The following MAP2K4 variants were observed in gnomAD, a reference collection of about 807,000 sequenced individuals.
MAP2K4 encodes dual specificity mitogen-activated protein kinase kinase 4.
MAP2K4 carries 4 observed loss-of-function variants against 48.5 expected under a neutral mutation model. The ratio of observed to expected loss-of-function variants is 0.08; its 90% CI spans 0.04 to 0.19. MAP2K4 has a LOEUF of 0.19. Ranked by LOEUF, MAP2K4 falls within the 10% of genes least tolerant of loss-of-function variation. The pLI is 1.00. For missense variants in MAP2K4, 258 were observed against 493.3 expected (o/e 0.52, Z 4.52); for synonymous variants, 166 against 173.1 (o/e 0.96, Z 0.32).
At chr17:12,031,688 A>G (rs1482049591) in intron 1 of MAP2K4, among the ~76,000 whole-genome samples, 1 of 152,202 alleles carries the variant, frequency 6.6e-6, no homozygotes, top group Non-Finnish European at 1.5e-5. Flanking sequence ...CAGCTTTCTC[A>G]TTCCTAGGGA....
chr17:12,089,986 A>G (rs952656598), intron 3 of MAP2K4, among the ~76,000 whole-genome samples: 12 of 152,112 alleles, frequency 7.9e-5, no homozygotes, highest in East Asian at 3.9e-4. Flanking sequence ...GATTCCTTAC[A>G]TGTTTGCTGA....
intron 2 of MAP2K4, among the ~76,000 whole-genome samples, chr17:12,073,493 A>G (rs118094123): frequency 2.0e-5 from 3 of 152,236 alleles, no homozygotes; most frequent in Admixed American, 6.5e-5. Flanking sequence ...GATTTGTAAT[A>G]TACTAAGCCT....
At chr17:12,080,806 A>C (rs1241648117) in intron 2 of MAP2K4, among the ~76,000 whole-genome samples, 1 of 152,168 alleles carries the variant, frequency 6.6e-6, no homozygotes, top group Non-Finnish European at 1.5e-5. Flanking sequence ...GTCCCTGGAT[A>C]ATTCAGATGT....
chr17:12,111,955 G>A (rs528955960), intron 6 of MAP2K4, among the ~76,000 whole-genome samples: 407 of 152,236 alleles, frequency 2.7e-3, no homozygotes, highest in South Asian at 4.4e-3. Flanking sequence ...AGGTGCTCTC[G>A]TGCTGTGCAG....
intron 7 of MAP2K4, among the ~76,000 whole-genome samples, chr17:12,122,980 T>C (rs1462357307): frequency 6.6e-6 from 1 of 152,240 alleles, no homozygotes. Flanking sequence ...AGATAAACTC[T>C]ACTTGGTCAT....
At chr17:12,038,183 C>G (rs1032453246) in intron 1 of MAP2K4, among the ~76,000 whole-genome samples, 9 of 152,128 alleles carry the variant, frequency 5.9e-5, no homozygotes, top group Admixed American at 5.9e-4. Context: ...AGAGAGTATT[C>G]CCAACTGAAT....
intron 1 of MAP2K4, among the ~76,000 whole-genome samples, chr17:12,038,547 TAAGAAGCACTGGGATCC>T (rs1969675345): frequency 1.3e-5 from 2 of 152,156 alleles, no homozygotes; most frequent in African/African-American, 4.8e-5. Flanking sequence ...TTACCAATGA[TAAGAAGCACTGGGATCC>T]TTAAAGATGA....
intron 2 of MAP2K4, among the ~76,000 whole-genome samples, chr17:12,077,750 C>T (rs1971060662): frequency 6.6e-6 from 1 of 152,156 alleles, no homozygotes; most frequent in African/African-American, 2.4e-5. Flanking sequence ...TTAGCTTGGC[C>T]TGCAAAATAC....
chr17:12,073,160 A>C (rs1031664637), intron 2 of MAP2K4, among the ~76,000 whole-genome samples: 2 of 152,204 alleles, frequency 1.3e-5, no homozygotes, highest in Non-Finnish European at 2.9e-5. Context: ...AGAATAAGGA[A>C]AATTTTTACC....
rs569233824 is a variant in MAP2K4, at chr17:12,143,664, G to A, written c.*2404G>A. ...CTATTTAAGATATATACATGGAATC[G>A]AAGTGTTTATGTAATAGTTCTATCC... On this transcript the variant is annotated 3_prime_UTR_variant, in exon 11 of 11. Transcript: ENST00000353533. 7.4e-5 allele frequency: 17 copies of A among 230,608 alleles called. No homozygotes were observed. Among genetic ancestry groups the A allele is most frequent in the African/African-American group, 2.0e-4 (9 of 45,302 alleles). The allele number at this position is 230,608 out of a possible 1,614,324, so 14.3% of individuals were successfully genotyped here. A position where few individuals can be genotyped will look rare whatever the true frequency, so the allele number is the denominator to read the frequency against.
intron 1 of MAP2K4, among the ~76,000 whole-genome samples, chr17:12,046,066 A>T (rs925224260): frequency 7.9e-5 from 12 of 152,332 alleles, no homozygotes; most frequent in Admixed American, 3.9e-4. Flanking sequence ...CAGTGCAGGT[A>T]TGTAGCAGAT....
chr17:12,095,711 T>A lies in MAP2K4; in HGVS notation c.513+17T>A, dbSNP rs756429854. 1 of 1,610,204 alleles carries A rather than the reference T, an allele frequency of 6.2e-7. No individual in the cohort carries two copies. ...TTCAGAGAGGTAGGAATAAACTGGG[T>A]TTTAGCTGACTAATGAATATCTAAT... On this transcript the variant is annotated intron_variant, in intron 4 of 10. Transcript: ENST00000353533.
intron 6 of MAP2K4, among the ~76,000 whole-genome samples, chr17:12,111,513 T>A (rs375596613): frequency 5.9e-5 from 9 of 152,046 alleles, no homozygotes; most frequent in African/African-American, 1.9e-4. Context: ...GTTAGCTGTG[T>A]TCTATAATTA....
chr17:12,110,287 T>A, intron 5 of MAP2K4, 88 bp from the exon 6 acceptor site: 1 of 874,386 alleles, frequency 1.1e-6, no homozygotes, highest in South Asian at 1.4e-5. Flanking sequence ...TGCAGAGGAC[T>A]ACACGGGATA....
chr17:12,125,273 A>T (rs1972819521), intron 7 of MAP2K4, 21 bp from the exon 8 acceptor site: 1 of 1,598,064 alleles, frequency 6.3e-7, no homozygotes, highest in Non-Finnish European at 8.6e-7. Flanking sequence ...TTAATAACTT[A>T]CACTTGTCTT....
intron 8 of MAP2K4, among the ~76,000 whole-genome samples, chr17:12,128,332 A>G (rs1014945562): frequency 6.6e-6 from 1 of 152,212 alleles, no homozygotes; most frequent in Non-Finnish European, 1.5e-5. Flanking sequence ...CCGCCTCGGC[A>G]TCCCAAAGTG....
At chr17:12,126,572 G>A (rs28921070) in intron 8 of MAP2K4, among the ~76,000 whole-genome samples, 195 of 152,280 alleles carry the variant, frequency 1.3e-3, no homozygotes, top group African/African-American at 4.5e-3. Context: ...AGAGCTGTCT[G>A]GGGTCTTTCT....
At chr17:12,125,219 C>A in intron 7 of MAP2K4, 75 bp from the exon 8 acceptor site, 1 of 1,069,736 alleles carries the variant, frequency 9.3e-7, no homozygotes, top group Non-Finnish European at 1.5e-6. Flanking sequence ...TGGCTGTCTA[C>A]CCAGCTGTTG....
intron 1 of MAP2K4, 35 bp from the exon 2 acceptor site, chr17:12,054,854 C>CT: frequency 7.0e-7 from 1 of 1,424,138 alleles, no homozygotes; most frequent in Non-Finnish European, 9.9e-7. Flanking sequence ...TTTTGTAGTA[C>CT]TTGAAACTTT....
Sources: allele counts gnomAD v4.1 joint callset (sites outside exome capture counted in the v4.1 genomes callset), GRCh38; gene constraint gnomAD v4.1.1; transcripts MANE v1.5; gene names NCBI Gene and HGNC (gene_info 2026-07-23, HGNC 2026-07-21).